Variants in ZNF48 observed in about 807,000 individuals in gnomAD.
ZNF48 encodes zinc finger protein 48.
ZNF48 carries 20 observed loss-of-function variants against 40.0 expected under a neutral mutation model. The ratio of observed to expected loss-of-function variants is 0.50; its 90% CI spans 0.35 to 0.73. The LOEUF (loss-of-function observed/expected upper bound fraction) is 0.73. Ranked by LOEUF, ZNF48 falls within the 30% of genes least tolerant of loss-of-function variation. ZNF48 has a pLI of 0.01. For missense variants in ZNF48, 726 were observed against 851.9 expected, an observed-to-expected ratio of 0.85 and a Z score of 1.84; for synonymous variants, 298 against 329.7, an observed-to-expected ratio of 0.90 and a Z score of 1.04.
Position 30,382,236 on chromosome 16 carries a change from G to C in ZNF48, c.-16+3826G>C. 1.2e-6 allele frequency: 2 copies of C among 1,612,822 alleles called. No individual in the cohort carries two copies. The highest frequency in any genetic ancestry group is 1.7e-6 in the Non-Finnish European group (2 of 1,178,936). On this transcript the variant is annotated intron_variant, in intron 1 of 2. Transcript: ENST00000528032. The surrounding 1 kb of genome is among the most constrained non-coding windows in gnomAD (Gnocchi z 4.8). ...GAGGGGACAGCCAGGGCCTCCTAAG[G>C]ACATCCCCTCCGCAGTTCCCTCTCC... is the stretch of plus-strand genomic sequence containing the variant.
chr16:30,379,586 C>A, intron 1 of ZNF48: 1 of 1,353,928 alleles, frequency 7.4e-7, no homozygotes, highest in Non-Finnish European at 1.0e-6. Context: ...CAGAAACTTT[C>A]TCTTTCCCAG....
intron 1 of ZNF48, chr16:30,379,638 C>CTATTTT: frequency 1.4e-5 from 4 of 295,652 alleles, no homozygotes; most frequent in African/African-American, 4.6e-5. Flanking sequence ...CTGCCCCTTC[C>CTATTTT]TCTTTTTTTT....
chr16:30,388,748 G>A (rs755205807), intron 1 of ZNF48, among the ~76,000 whole-genome samples: 20 of 151,964 alleles, frequency 1.3e-4, no homozygotes, highest in Non-Finnish European at 2.2e-4. Flanking sequence ...ACAAAAATTA[G>A]CCGGGCGTGG....
At chr16:30,383,174 C>G (rs971311065) in intron 1 of ZNF48, among the ~76,000 whole-genome samples, 2 of 152,060 alleles carry the variant, frequency 1.3e-5, no homozygotes, top group Non-Finnish European at 2.9e-5. Flanking sequence ...ACAGCAAAAC[C>G]CTGTTTCTTT....
At chr16:30,383,076 G>C in intron 1 of ZNF48, 1 of 471,320 alleles carries the variant, frequency 2.1e-6, no homozygotes, top group East Asian at 4.1e-5. Context: ...CAGCTACTGG[G>C]GAGGCTGAGG....
chr16:30,397,495 G>C lies in ZNF48; in HGVS notation c.245G>C (p.Arg82Thr). 6.2e-7 allele frequency: 1 copy of C among 1,614,194 alleles called. No homozygotes were observed. Among genetic ancestry groups the C allele is most frequent in the Non-Finnish European group, 8.5e-7 (1 of 1,180,020 alleles). ...IQNWDDLWVQ[R>T]EGLGKPQPRD... is the part of the protein sequence containing the mutation. ...AACTGGGATGACTTATGGGTCCAGA[G>C]AGAGGGTCTAGGAAAGCCTCAGCCT... The change falls in exon 3 of 3, where the codon AGA (arginine) becomes ACA (threonine). Residue 82 changes from arginine to threonine, a missense_variant. Transcript: ENST00000613509. The surrounding 1 kb of genome is among the most constrained non-coding windows in gnomAD (Gnocchi z 4.1).
Position 30,381,281 on chromosome 16 carries a change from G to T in ZNF48, c.-16+2871G>T. On this transcript the variant is annotated intron_variant, in intron 1 of 2. Transcript: ENST00000528032. The surrounding 1 kb of genome is among the most constrained non-coding windows in gnomAD (Gnocchi z 4.3). ...GATTGGTCATTGCCCAGCCTCAGGG[G>T]GCAGAGACCCCCCAGCCCTCCCTAA... 6.2e-7 allele frequency: 1 copy of T among 1,612,574 alleles called. No homozygotes were observed. The highest frequency in any genetic ancestry group is 1.3e-5 in the African/African-American group (1 of 74,930).
chr16:30,389,284 G>C (rs927017129), intron 1 of ZNF48, among the ~76,000 whole-genome samples: 21 of 151,608 alleles, frequency 1.4e-4, no homozygotes, highest in Non-Finnish European at 1.0e-4. Flanking sequence ...CCAGCTACTC[G>C]GGAGGCTGAG....
intron 1 of ZNF48, chr16:30,379,640 CTTTTTTTTTTTT>C (rs71149011): frequency 2.7e-4 from 65 of 239,688 alleles, no homozygotes; most frequent in African/African-American, 5.9e-4. Flanking sequence ...GCCCCTTCCT[CTTTTTTTTTTTT>C]TTTTTTTTTT....
At position 30,398,219 on chromosome 16, in the gene ZNF48, G is replaced by A; in HGVS notation, c.969G>A (p.Arg323=). 6.2e-7 allele frequency: 1 copy of A among 1,613,740 alleles called. No individual in the cohort carries two copies. The highest frequency in any genetic ancestry group is 8.5e-7 in the Non-Finnish European group (1 of 1,180,028). The change falls in exon 3 of 3, where the codon CGG becomes CGA. Residue 323 remains arginine, a synonymous_variant. Coordinates refer to ENST00000613509, the MANE Select transcript of ZNF48 (RefSeq NM_001214909.2). This position sits in a 1 kb window ranked among gnomAD's most constrained non-coding sequence, Gnocchi z 6.6. ...GATCCGACCTGGTGAAGCACCTGCG[G>A]GTGCACACGGGTGAGAAGCCCTACC... is the stretch of plus-strand genomic sequence containing the variant. ...ARGSDLVKHL[R]VHTGEKPYLC...
upstream of ZNF48, among the ~76,000 whole-genome samples, chr16:30,393,966 C>T (rs2151116572): frequency 6.6e-6 from 1 of 152,160 alleles, no homozygotes; most frequent in African/African-American, 2.4e-5. Context: ...GATCCTCCCA[C>T]CTTGGCCTCC....
In ZNF48 at chr16:30,395,829, T is replaced by C; in HGVS notation, c.35T>C (p.Leu12Pro). The C allele has an allele frequency of 6.5e-7, 1 of 1,550,060 alleles. No individual in the cohort carries two copies. Among genetic ancestry groups the C allele is most frequent in the Non-Finnish European group, 8.7e-7 (1 of 1,152,402 alleles). Residue 12 changes from leucine to proline, a missense_variant, in exon 2 of 3, where the codon CTC becomes CCC. This residue lies in a region of ZNF48 where 151 missense variants were observed against 162.3 expected (regional missense o/e 0.93). Coordinates refer to ENST00000613509, the MANE Select transcript of ZNF48 (RefSeq NM_001214909.2). The surrounding 1 kb of genome is among the most constrained non-coding windows in gnomAD (Gnocchi z 5.9). ...ERAVEPWGPDLHRPEEREPQR... is the reference protein window; with the variant it reads ...ERAVEPWGPDPHRPEEREPQR... The stretch of plus-strand genomic sequence containing the variant: ...GCGGTAGAGCCTTGGGGCCCAGATC[T>C]CCACCGCCCGGAGGAGAGGGAGCCA...
intron 1 of ZNF48, among the ~76,000 whole-genome samples, chr16:30,387,235 G>A (rs1427926930): frequency 2.1e-5 from 3 of 143,726 alleles, no homozygotes; most frequent in Admixed American, 6.9e-5. Context: ...GAGCCACCGC[G>A]CCCGGCCTTT....
At chr16:30,395,092 GGTCC>G (rs1260777993), upstream of ZNF48, 1 of 391,738 alleles carries the variant, frequency 2.6e-6, no homozygotes, top group Non-Finnish European at 5.3e-6. The surrounding 1 kb of genome is among the most constrained non-coding windows in gnomAD (Gnocchi z 5.9). Flanking sequence ...CCTTTCCCCG[GGTCC>G]GTCTTTGGAT....
At chr16:30,390,600 G>GT (rs1567430629), upstream of ZNF48, among the ~76,000 whole-genome samples, 2 of 103,780 alleles carry the variant, frequency 1.9e-5, no homozygotes, top group Non-Finnish European at 3.7e-5. Flanking sequence ...AGTAGAGACG[G>GT]GTTTTTTTTT....
chr16:30,381,902 G>A lies in ZNF48; in HGVS notation c.-16+3492G>A, dbSNP rs2049854823. ...AAGCGAGCTGTGGGATGGGGGAGAG[G>A]TCAGGGATCCGGGGAGGCTCTGAGG... On this transcript the variant is annotated intron_variant, in intron 1 of 2. Transcript: ENST00000528032. This position sits in a 1 kb window ranked among gnomAD's most constrained non-coding sequence, Gnocchi z 4.3. 2 of 1,613,908 alleles carry A rather than the reference G, an allele frequency of 1.2e-6. No homozygotes were observed. Among genetic ancestry groups the A allele is most frequent in the Non-Finnish European group, 1.7e-6 (2 of 1,179,932 alleles).
intron 1 of ZNF48, chr16:30,379,367 T>G: frequency 2.0e-6 from 3 of 1,473,300 alleles, no homozygotes; most frequent in Non-Finnish European, 2.8e-6. Flanking sequence ...CTTCACATGT[T>G]GAGTGCGCCT....
At chr16:30,390,635 TTTTTG>T (rs1484564942), upstream of ZNF48, among the ~76,000 whole-genome samples, 13 of 95,150 alleles carry the variant, frequency 1.4e-4, no homozygotes, top group African/African-American at 4.6e-4. Flanking sequence ...TTTTTTTTTT[TTTTTG>T]AGATGGAGTT....
chr16:30,380,237 A>G (rs749731728), intron 1 of ZNF48: 20 of 378,362 alleles, frequency 5.3e-5, no homozygotes, highest in Non-Finnish European at 8.7e-5. Flanking sequence ...AGATTCTAAG[A>G]TGGGGCAGAC....
Sources: gnomAD v4.1 joint callset for allele counts (sites outside exome capture counted in the v4.1 genomes callset) on GRCh38, gnomAD v4.1.1 for gene constraint, gnomAD v4.1.1 regional missense constraint, Gnocchi (gnomAD v3.1) non-coding constraint, MANE v1.5 for transcripts, NCBI Gene and HGNC (gene_info 2026-07-23, HGNC 2026-07-21) for gene names.